Variants in HS3ST1 observed in about 807,000 individuals in gnomAD.
HS3ST1 encodes heparan sulfate-glucosamine 3-sulfotransferase 1.
In HS3ST1, 8 loss-of-function variants were observed where a neutral mutation model predicts 20.7. The ratio of observed to expected loss-of-function variants is 0.39; its 90% confidence interval spans 0.23 to 0.70. The LOEUF is 0.70. HS3ST1 is among the 30% of genes least tolerant of loss of function. HS3ST1 has a pLI of 0.46. For synonymous variants in HS3ST1, 205 were observed against 190.4 expected, an observed-to-expected ratio of 1.08 and a Z score of -0.63; for missense variants, 436 against 423.4, an observed-to-expected ratio of 1.03 and a Z score of -0.26.
chr4:11,432,074 T>C (rs1176048718), upstream of HS3ST1, among the ~76,000 whole-genome samples: 1 of 152,182 alleles, frequency 6.6e-6, no homozygotes. Context: ...TAGTGCTCTA[T>C]GTAATTAAGT....
intron 1 of HS3ST1, among the ~76,000 whole-genome samples, chr4:11,401,531 A>G (rs1336822158): frequency 6.6e-6 from 1 of 152,000 alleles, no homozygotes; most frequent in East Asian, 1.9e-4. Context: ...TTTAATAGAG[A>G]TGGGCTTTCT....
rs1577435155 is a variant in HS3ST1, at chr4:11,399,611, C to T, written c.395G>A (p.Arg132Gln). 6.2e-7 allele frequency: 1 copy of T among 1,613,918 alleles called. No individual in the cohort carries two copies. The highest frequency in any genetic ancestry group is 8.5e-7 in the Non-Finnish European group (1 of 1,180,034). Residue 132 changes from arginine to glutamine, a missense_variant, in exon 2 of 2, where the codon CGA becomes CAA. Physicochemically the swap from Arg to Gln is conservative, Grantham distance 43 (BLOSUM62 1). Coordinates refer to ENST00000002596, the MANE Select transcript of HS3ST1 (RefSeq NM_005114.4). The surrounding 1 kb of genome is among the most constrained non-coding windows in gnomAD (Gnocchi z 5.1). ...AYFTSPKVPERVYSMNPSIRL... is the reference protein window; with the variant it reads ...AYFTSPKVPEQVYSMNPSIRL... ...GATGGACGGGTTCATGCTGTAGACT[C>T]GCTCAGGCACTTTGGGCGACGTGAA...
At chr4:11,401,875 T>C (rs2108880829) in intron 1 of HS3ST1, among the ~76,000 whole-genome samples, 1 of 152,288 alleles carries the variant, frequency 6.6e-6, no homozygotes, top group African/African-American at 2.4e-5. Flanking sequence ...GACAGACCAG[T>C]CAAGGGTTTA....
intron 1 of HS3ST1, among the ~76,000 whole-genome samples, chr4:11,419,280 G>GA (rs1368778597): frequency 5.3e-5 from 8 of 151,888 alleles, no homozygotes; most frequent in African/African-American, 1.9e-4. Context: ...GGTTGGCCTA[G>GA]AAAATGAATA....
chr4:11,402,192 G>A (rs1167712279), intron 1 of HS3ST1, among the ~76,000 whole-genome samples: 1 of 152,198 alleles, frequency 6.6e-6, no homozygotes, highest in African/African-American at 2.4e-5. Flanking sequence ...ACCTTTCTCA[G>A]ATATTGTTAT....
intron 1 of HS3ST1, among the ~76,000 whole-genome samples, chr4:11,409,458 T>C (rs1332083242): frequency 2.0e-5 from 3 of 152,120 alleles, no homozygotes; most frequent in East Asian, 1.9e-4. Context: ...TCTGACAAGA[T>C]TGGTGTCCTT....
chr4:11,423,598 G>A (rs925337723), intron 1 of HS3ST1, among the ~76,000 whole-genome samples: 3 of 152,140 alleles, frequency 2.0e-5, no homozygotes, highest in African/African-American at 4.8e-5. Flanking sequence ...GCACAAGGGC[G>A]AGGACTTCCA....
chr4:11,399,589 G>T lies in HS3ST1; in HGVS notation c.417C>A (p.Ser139=). The T allele has an allele frequency of 6.2e-7, 1 of 1,613,882 alleles. No individual in the cohort carries two copies. ...VPERVYSMNP[S]IRLLLILRDP... ...CTCGCAGGATGAGCAGCAGCCGGATGGACGGGTTCATGCTGTAGACTCGCT... is the reference window on the plus strand; with the variant it reads ...CTCGCAGGATGAGCAGCAGCCGGATTGACGGGTTCATGCTGTAGACTCGCT... Residue 139 remains serine (S), a synonymous_variant, in exon 2 of 2, where the codon TCC becomes TCA. Coordinates refer to ENST00000002596, the MANE Select transcript of HS3ST1 (RefSeq NM_005114.4). This position sits in a 1 kb window ranked among gnomAD's most constrained non-coding sequence, Gnocchi z 5.1.
intron 1 of HS3ST1, among the ~76,000 whole-genome samples, chr4:11,423,814 C>T (rs774427489): frequency 6.6e-5 from 10 of 152,080 alleles, no homozygotes; most frequent in East Asian, 1.9e-4. Context: ...ACTCTTGCCT[C>T]GATATTCTGA....
chr4:11,420,537 T>C (rs1299065173), intron 1 of HS3ST1, among the ~76,000 whole-genome samples: 3 of 152,212 alleles, frequency 2.0e-5, no homozygotes, highest in African/African-American at 7.2e-5. Context: ...AGCCCTACAG[T>C]AACGAGCTTG....
intron 1 of HS3ST1, among the ~76,000 whole-genome samples, chr4:11,414,678 G>A (rs972251360): frequency 2.6e-5 from 4 of 152,198 alleles, no homozygotes; most frequent in African/African-American, 9.6e-5. Flanking sequence ...AGGAAGATGA[G>A]TAGGCTTGGC....
chr4:11,407,088 C>T (rs1301853590), intron 1 of HS3ST1, among the ~76,000 whole-genome samples: 4 of 152,188 alleles, frequency 2.6e-5, no homozygotes, highest in Admixed American at 2.0e-4. Flanking sequence ...TCAAGACCTA[C>T]ATAAATATTT....
chr4:11,416,518 A>C lies in HS3ST1; in HGVS notation c.-109+12181T>G, dbSNP rs185992541. Among the ~76,000 whole-genome samples the C allele has an allele frequency of 7.9e-5, 12 of 150,982 alleles. No individual in the cohort carries two copies. The East Asian group carries it at 2.4e-3, about 30-fold the overall frequency. On this transcript the variant is annotated intron_variant, in intron 1 of 1. Coordinates refer to ENST00000002596, the MANE Select transcript of HS3ST1 (RefSeq NM_005114.4). ...GGTGGTGCCTCGTTCAGGGTATGCC[A>C]GGTTAGGCTGAGATCAACACCTACA...
At chr4:11,418,390 T>C (rs1408140449) in intron 1 of HS3ST1, among the ~76,000 whole-genome samples, 5 of 152,200 alleles carry the variant, frequency 3.3e-5, no homozygotes, top group African/African-American at 1.2e-4. Flanking sequence ...CATTATGAAA[T>C]GTGATTCTCA....
chr4:11,401,341 C>A (rs890230054), intron 1 of HS3ST1, among the ~76,000 whole-genome samples: 60 of 138,328 alleles, frequency 4.3e-4, no homozygotes, highest in Non-Finnish European at 8.1e-4. Context: ...AGGCAGATGT[C>A]ACCGCCATTT....
chr4:11,410,553 A>G (rs528046707), intron 1 of HS3ST1, among the ~76,000 whole-genome samples: 1 of 152,244 alleles, frequency 6.6e-6, no homozygotes, highest in South Asian at 2.1e-4. Flanking sequence ...AGGCTACAGG[A>G]CCCACAGCTT....
At chr4:11,405,040 G>A (rs1041760586) in intron 1 of HS3ST1, among the ~76,000 whole-genome samples, 1 of 152,222 alleles carries the variant, frequency 6.6e-6, no homozygotes, top group Non-Finnish European at 1.5e-5. Flanking sequence ...GGCAATGTCT[G>A]GAGTTAGTGA....
At chr4:11,414,236 ATC>A (rs1479330664) in intron 1 of HS3ST1, 1 of 152,238 alleles carries the variant, frequency 6.6e-6, no homozygotes, top group Non-Finnish European at 1.5e-5. Flanking sequence ...AGGTTCACTC[ATC>A]AAGTCCTGGT....
intron 1 of HS3ST1, among the ~76,000 whole-genome samples, chr4:11,416,726 G>C (rs1402728193): frequency 6.6e-6 from 1 of 152,214 alleles, no homozygotes; most frequent in African/African-American, 2.4e-5. Context: ...CTTCAGGCCA[G>C]GTGACCACAC....
Sources: allele counts gnomAD v4.1 joint callset (sites outside exome capture counted in the v4.1 genomes callset), GRCh38; gene constraint gnomAD v4.1.1; non-coding constraint Gnocchi (gnomAD v3.1); transcripts MANE v1.5; gene names NCBI Gene and HGNC (gene_info 2026-07-23, HGNC 2026-07-21).